The following RFX3 variants were observed in gnomAD, a reference collection of about 807,000 sequenced individuals.
RFX3 encodes the protein regulatory factor X3.
RFX3 carries 14 observed loss-of-function variants against 98.6 expected under a neutral mutation model. That is an observed-to-expected ratio of 0.14 (90% CI 0.09 to 0.22). RFX3 has a LOEUF of 0.22. Ranked by LOEUF, RFX3 falls within the 10% of genes least tolerant of loss-of-function variation. RFX3 has a pLI of 1.00. For synonymous variants in RFX3, 383 were observed against 328.4 expected (o/e 1.17, Z -1.80); for missense variants, 639 against 926.9 (o/e 0.69, Z 4.03).
intron 9 of RFX3, among the ~76,000 whole-genome samples, chr9:3,273,889 T>C (rs930697053): frequency 2.7e-5 from 4 of 150,096 alleles, no homozygotes; most frequent in Non-Finnish European, 3.0e-5. Context: ...AAAATCCATA[T>C]AGGCTGGTTT....
At position 3,275,621 on chromosome 9, in the gene RFX3, G is replaced by A. The variant is rs368521871; in HGVS notation, c.974-9C>T. 1.8e-5 allele frequency: 27 copies of A among 1,529,780 alleles called. No individual in the cohort carries two copies. The highest frequency in any genetic ancestry group is 1.4e-4 in the East Asian group (6 of 44,388). 94.8% of individuals were successfully genotyped at this position (1,529,780 alleles called of 1,614,324 possible). A position where few individuals can be genotyped will look rare whatever the true frequency, so the allele number is the denominator to read the frequency against. On this transcript the variant is annotated splice_polypyrimidine_tract_variant and intron_variant, in intron 8 of 16. Coordinates refer to ENST00000617270, the MANE Select transcript of RFX3 (RefSeq NM_001282116.2). ...AAGTGCTCGAGATGCATCTGTTACC[G>A]TGACAACAGAACAGAAAAAAGCTAT...
chr9:3,255,748 C>A lies in RFX3; in HGVS notation c.1814+1243G>T, dbSNP rs10970993. On this transcript the variant is annotated intron_variant, in intron 14 of 16. Coordinates refer to ENST00000617270, the MANE Select transcript of RFX3 (RefSeq NM_001282116.2). ...GCCGAGTTATGGTCAACAGCTCATC[C>A]CATCATTTGATATATGTCATGTAAT... 8.0e-3 allele frequency among the ~76,000 whole-genome samples: 1,226 copies of A among 152,300 alleles called. 15 individuals carry two copies. The highest frequency in any genetic ancestry group is 0.039 in the South Asian group (187 of 4,826).
intron 1 of RFX3, among the ~76,000 whole-genome samples, chr9:3,505,592 A>C (rs1817006262): frequency 6.7e-6 from 1 of 149,802 alleles, no homozygotes; most frequent in African/African-American, 2.5e-5. Context: ...AGGACTCTTT[A>C]ACAGGAAGGC....
chr9:3,504,981 T>TATATATTATATA (rs1564186200), intron 1 of RFX3, among the ~76,000 whole-genome samples: 3 of 32,430 alleles, frequency 9.3e-5, no homozygotes, highest in African/African-American at 2.9e-4. Flanking sequence ...TATTATATAA[T>TATATATTATATA]ATATATGTTA....
chr9:3,432,129 T>C (rs1364657799), intron 1 of RFX3, among the ~76,000 whole-genome samples: 1 of 152,172 alleles, frequency 6.6e-6, no homozygotes, highest in Non-Finnish European at 1.5e-5. Flanking sequence ...GCTTTCTGGA[T>C]TGGTTCCACT....
rs180694007 is a variant in RFX3, at chr9:3,424,340, A to G, written c.-8-28744T>C. On this transcript the variant is annotated intron_variant, in intron 1 of 16. Transcript: ENST00000617270. ...GCAACAGTAGAGTCACTGTAATTACATAATTGACTTTTTTTTTTTTTTTTT... is the reference window on the plus strand; with the variant it reads ...GCAACAGTAGAGTCACTGTAATTACGTAATTGACTTTTTTTTTTTTTTTTT... Among the ~76,000 whole-genome samples the G allele has an allele frequency of 9.6e-3, 1,394 of 145,138 alleles. 27 individuals carry two copies. Among genetic ancestry groups the G allele is most frequent in the African/African-American group, 0.034 (1,338 of 38,804 alleles).
chr9:3,457,092 G>C (rs1022651378), intron 1 of RFX3, among the ~76,000 whole-genome samples: 2 of 120,300 alleles, frequency 1.7e-5, no homozygotes, highest in East Asian at 2.7e-4. Context: ...TGTGAACCGA[G>C]ATCGCACCAC....
intron 1 of RFX3, chr9:3,489,344 C>G (rs1850545422): frequency 1.3e-6 from 1 of 740,928 alleles, no homozygotes; most frequent in Non-Finnish European, 1.6e-6. Flanking sequence ...CCTATCCACC[C>G]CACCCTGACT....
chr9:3,295,470 G>C (rs918992458), intron 5 of RFX3, among the ~76,000 whole-genome samples: 1 of 151,798 alleles, frequency 6.6e-6, no homozygotes, highest in African/African-American at 2.4e-5. Flanking sequence ...ATTAAAGAAG[G>C]GCATATAGGT....
At chr9:3,335,501 C>G (rs1833068236) in intron 3 of RFX3, among the ~76,000 whole-genome samples, 1 of 152,070 alleles carries the variant, frequency 6.6e-6, no homozygotes. Context: ...AAGAAAACGA[C>G]TCAATTTTTG....
intron 4 of RFX3, among the ~76,000 whole-genome samples, chr9:3,319,160 C>G (rs977701077): frequency 6.6e-6 from 1 of 152,216 alleles, no homozygotes; most frequent in Admixed American, 6.5e-5. Flanking sequence ...TCTCCGTAAT[C>G]ACTAAAACAG....
intron 2 of RFX3, among the ~76,000 whole-genome samples, chr9:3,371,785 A>G (rs1280730819): frequency 6.6e-6 from 1 of 152,220 alleles, no homozygotes. Flanking sequence ...CTTTATTCAA[A>G]TAGAGGAAGG....
At chr9:3,501,476 T>G (rs1003506292) in intron 1 of RFX3, among the ~76,000 whole-genome samples, 2 of 152,074 alleles carry the variant, frequency 1.3e-5, no homozygotes. Context: ...ATTTTGTTTC[T>G]TCAAATTATT....
At chr9:3,302,550 T>C (rs770597463) in intron 4 of RFX3, among the ~76,000 whole-genome samples, 4 of 151,892 alleles carry the variant, frequency 2.6e-5, no homozygotes, top group Non-Finnish European at 4.4e-5. Flanking sequence ...AATCACACCA[T>C]GCAATTTAAG....
intron 1 of RFX3, among the ~76,000 whole-genome samples, chr9:3,417,182 C>T (rs902647393): frequency 1.3e-5 from 2 of 151,814 alleles, no homozygotes; most frequent in Non-Finnish European, 2.9e-5. Context: ...TACCTATTGT[C>T]AGAACTCCAA....
chr9:3,383,737 A>G (rs975328433), intron 2 of RFX3, among the ~76,000 whole-genome samples: 7 of 152,168 alleles, frequency 4.6e-5, no homozygotes, highest in Non-Finnish European at 1.0e-4. Context: ...ACTGATGTCA[A>G]CACAAGTTTT....
chr9:3,519,320 G>C (rs1435357301), intron 1 of RFX3, among the ~76,000 whole-genome samples: 1 of 152,246 alleles, frequency 6.6e-6, no homozygotes, highest in South Asian at 2.1e-4. Flanking sequence ...TTGGCAGCTT[G>C]TCTGTGCCTT....
At chr9:3,226,029 G>T (rs1817723125) in intron 16 of RFX3, among the ~76,000 whole-genome samples, 1 of 152,092 alleles carries the variant, frequency 6.6e-6, no homozygotes, top group Non-Finnish European at 1.5e-5. Flanking sequence ...CATTATAATA[G>T]AATGCCATTT....
chr9:3,473,205 G>C (rs1046840823), intron 1 of RFX3, among the ~76,000 whole-genome samples: 2 of 152,178 alleles, frequency 1.3e-5, no homozygotes, highest in South Asian at 4.1e-4. Flanking sequence ...CTATAAGCCA[G>C]GGCAAAAGCT....
Sources: allele counts gnomAD v4.1 joint callset (sites outside exome capture counted in the v4.1 genomes callset), GRCh38; gene constraint gnomAD v4.1.1; transcripts MANE v1.5; gene names NCBI Gene and HGNC (gene_info 2026-07-23, HGNC 2026-07-21).